The following ESR2 variants were observed in gnomAD, a reference collection of about 807,000 sequenced individuals.
The protein encoded by ESR2 is estrogen receptor beta.
A neutral mutation model predicts 49.6 loss-of-function variants in ESR2; 36 were observed. The ratio of observed to expected loss-of-function variants is 0.73; its 90% confidence interval spans 0.56 to 0.96. The LOEUF is 0.96. Among genes scored for constraint, ESR2 ranks in the 40% least tolerant of loss-of-function variants. ESR2 has a pLI of 0.00. For missense variants in ESR2, 714 were observed against 693.0 expected (o/e 1.03, Z -0.34); for synonymous variants, 320 against 266.1 (o/e 1.20, Z -1.97).
chr14:64,227,911 G>A (rs377351328), downstream of ESR2: 3 of 1,597,632 alleles, frequency 1.9e-6, no homozygotes, highest in Non-Finnish European at 2.5e-6. Flanking sequence ...TCAAATGAAT[G>A]AATTGCTTTT....
chr14:64,252,513 G>T (rs1191969919), intron 6 of ESR2, among the ~76,000 whole-genome samples: 1 of 152,104 alleles, frequency 6.6e-6, no homozygotes, highest in African/African-American at 2.4e-5. Context: ...ATCTGAGACT[G>T]GGTAATCTAT....
At chr14:64,309,331 G>T (rs933254290) in intron 1 of ESR2, among the ~76,000 whole-genome samples, 6 of 152,174 alleles carry the variant, frequency 3.9e-5, no homozygotes, top group African/African-American at 1.2e-4. Flanking sequence ...AGAATCTTAG[G>T]CCGGGTGCAG....
At chr14:64,294,929 A>G (rs1195611250), upstream of ESR2, among the ~76,000 whole-genome samples, 1 of 152,216 alleles carries the variant, frequency 6.6e-6, no homozygotes, top group Non-Finnish European at 1.5e-5. Context: ...CCTCGAACTC[A>G]CTTGAAGTGG....
intron 1 of ESR2, among the ~76,000 whole-genome samples, chr14:64,318,631 G>C (rs1294018462): frequency 2.6e-5 from 4 of 151,486 alleles, no homozygotes; most frequent in Non-Finnish European, 4.4e-5. Flanking sequence ...TGGGTGTGGT[G>C]GCTCACATCT....
intron 1 of ESR2, among the ~76,000 whole-genome samples, chr14:64,307,096 C>T (rs1386156328): frequency 6.6e-6 from 1 of 151,836 alleles, no homozygotes; most frequent in Non-Finnish European, 1.5e-5. Flanking sequence ...ATTTTAATAG[C>T]TGTAGAATCT....
Position 64,228,860 on chromosome 14 carries a change from A to T in ESR2, c.*4277T>A, listed in dbSNP as rs138251226. ...GCAACAAAAATGGCACTACGATCAT[A>T]CATCACAGACAATGCACATCTTAAG... is the stretch of plus-strand genomic sequence containing the variant. On this transcript the variant is annotated 3_prime_UTR_variant, in exon 9 of 9. Transcript: ENST00000341099. 2.5e-3 allele frequency among the ~76,000 whole-genome samples: 388 copies of T among 152,366 alleles called. 4 individuals carry two copies. The highest frequency in any genetic ancestry group is 9.1e-3 in the African/African-American group (379 of 41,590).
At chr14:64,260,162 C>A in intron 5 of ESR2, 1 of 657,488 alleles carries the variant, frequency 1.5e-6, no homozygotes, top group South Asian at 1.4e-5. Flanking sequence ...AGAAGGCAGT[C>A]AAGAATAGAA....
rs1024482865 is a variant in ESR2, at chr14:64,282,525, A to G, written c.362+99T>C. On this transcript the variant is annotated intron_variant, in intron 2 of 8. Coordinates refer to ENST00000341099, the MANE Select transcript of ESR2 (RefSeq NM_001437.3). ...GTAAGTAAACTATGTAATTAATACA[A>G]TAAAGACCTTGTCTAACATATTATT... The G allele has an allele frequency of 1.6e-5, 20 of 1,284,548 alleles. No individual in the cohort carries two copies. The African/African-American group carries it at 2.8e-4, about 18-fold the overall frequency. The allele number at this position is 1,284,548 out of a possible 1,614,324, so 79.6% of individuals were successfully genotyped here. A position where few individuals can be genotyped will look rare whatever the true frequency, so the allele number is the denominator to read the frequency against.
chr14:64,311,717 G>GC (rs1393024472), intron 1 of ESR2, among the ~76,000 whole-genome samples: 1 of 150,904 alleles, frequency 6.6e-6, no homozygotes, highest in Non-Finnish European at 1.5e-5. Context: ...GGTAGGCTGA[G>GC]CAGGGGGATT....
At chr14:64,317,944 C>G (rs181312741) in intron 1 of ESR2, among the ~76,000 whole-genome samples, 1 of 152,242 alleles carries the variant, frequency 6.6e-6, no homozygotes, top group East Asian at 1.9e-4. Context: ...AGATTGAAAA[C>G]AGGATATCCA....
At chr14:64,328,051 C>CAAAAAA (rs748229456) in intron 1 of ESR2, among the ~76,000 whole-genome samples, 1 of 87,140 alleles carries the variant, frequency 1.1e-5, no homozygotes. Context: ...ACTAAAAATA[C>CAAAAAA]AAAAAAAAAA....
intron 1 of ESR2, chr14:64,336,301 C>G (rs2077531349): frequency 6.6e-6 from 1 of 152,048 alleles, no homozygotes; most frequent in South Asian, 2.1e-4. Flanking sequence ...ATCAAACTGC[C>G]CTTCAAAATG....
At chr14:64,330,874 G>C (rs576141473) in intron 1 of ESR2, 1 of 149,738 alleles carries the variant, frequency 6.7e-6, no homozygotes, top group African/African-American at 2.5e-5. Flanking sequence ...GCAGTTAGCC[G>C]AGATCATACC....
Position 64,260,729 on chromosome 14 carries a change from A to G in ESR2, c.672T>C (p.Cys224=). The G allele has an allele frequency of 6.6e-7, 1 of 1,505,696 alleles. No homozygotes were observed. The highest frequency in any genetic ancestry group is 8.9e-7 in the Non-Finnish European group (1 of 1,124,684). 93.3% of individuals were successfully genotyped at this position (1,505,696 alleles called of 1,614,324 possible). ...TCTGTCTCCGCACAAGGCGGTACCC[A>G]CATCTCTCTCTCCGGGAGCCTGAAG... ...MVKCGSRRER[C]GYRLVRRQRS... Residue 224 remains cysteine (C), a synonymous_variant, in exon 5 of 9, where the codon TGT becomes TGC. Coordinates refer to ENST00000341099, the MANE Select transcript of ESR2 (RefSeq NM_001437.3).
intron 1 of ESR2, among the ~76,000 whole-genome samples, chr14:64,319,489 A>G (rs1338367048): frequency 1.3e-5 from 2 of 152,212 alleles, no homozygotes; most frequent in African/African-American, 4.8e-5. Flanking sequence ...AAAAAAGACA[A>G]GCCACAGACT....
intron 1 of ESR2, among the ~76,000 whole-genome samples, chr14:64,310,314 A>T (rs879664342): frequency 0.013 from 1,982 of 148,004 alleles, 47 homozygotes; most frequent in East Asian, 0.081. Context: ...TAATAATAAT[A>T]ATAATTCTGG....
rs147654134 is a variant in ESR2 at position 64,258,141 on chromosome 14, C to T, written c.953-777G>A. The stretch of plus-strand genomic sequence containing the variant: ...GGATGATCGCCTGAGCCCAGGAGGT[C>T]GAGGCTGTAGTGAGCTGAGATCACG... On this transcript the variant is annotated intron_variant, in intron 5 of 8. Transcript: ENST00000341099. Among the ~76,000 whole-genome samples the T allele has an allele frequency of 4.3e-3, 658 of 152,006 alleles. 6 individuals are homozygous for T. The highest frequency in any genetic ancestry group is 0.015 in the African/African-American group (615 of 41,438).
In ESR2 at chr14:64,260,141, G is replaced by T. The variant is rs371052352; in HGVS notation, c.952+308C>A. On this transcript the variant is annotated intron_variant, in intron 5 of 8. Transcript: ENST00000341099. ...TGCAAGGTGGTATGGGATGCATCTA[G>T]CCATGGGAAAAGAAGGCAGTCAAGA... 2.0e-4 allele frequency: 118 copies of T among 594,590 alleles called. 3 individuals are homozygous for T. The highest frequency in any genetic ancestry group is 1.3e-3 in the East Asian group (34 of 26,366). 36.8% of individuals were successfully genotyped at this position (594,590 alleles called of 1,614,324 possible). A position where few individuals can be genotyped will look rare whatever the true frequency, so the allele number is the denominator to read the frequency against.
At chr14:64,247,837 G>A (rs1293613512) in intron 7 of ESR2, among the ~76,000 whole-genome samples, 1 of 152,162 alleles carries the variant, frequency 6.6e-6, no homozygotes, top group Non-Finnish European at 1.5e-5. Context: ...GTTTATAATG[G>A]TTAAAAAGGA....
Sources: allele counts gnomAD v4.1 joint callset (sites outside exome capture counted in the v4.1 genomes callset), GRCh38; gene constraint gnomAD v4.1.1; transcripts MANE v1.5; gene names NCBI Gene and HGNC (gene_info 2026-07-23, HGNC 2026-07-21).